TRIO: variants seen among roughly 807,000 people sequenced by gnomAD.
The protein encoded by TRIO is triple functional domain protein.
TRIO carries 58 observed loss-of-function variants against 351.9 expected under a neutral mutation model. That is an observed-to-expected ratio of 0.16 (90% confidence interval 0.13 to 0.21). The LOEUF is 0.21. Ranked by LOEUF, TRIO falls within the 10% of genes least tolerant of loss-of-function variation. TRIO has a pLI of 1.00. For synonymous variants in TRIO, 1,758 were observed against 1,595.7 expected (o/e 1.10, Z -2.42); for missense variants, 3,201 against 4,027.8 (o/e 0.79, Z 5.56).
chr5:14,170,884 GA>G (rs917451009), intron 1 of TRIO, among the ~76,000 whole-genome samples: 1 of 151,934 alleles, frequency 6.6e-6, no homozygotes, highest in Non-Finnish European at 1.5e-5. Context: ...TATTTACATT[GA>G]AAATACTAGA....
intron 40 of TRIO, 103 bp from the exon 41 acceptor site, chr5:14,476,791 C>CAAA: frequency 3.4e-5 from 28 of 834,232 alleles, no homozygotes; most frequent in South Asian, 9.7e-5. Flanking sequence ...GACACTCTCT[C>CAAA]AAAAAAAAAA....
chr5:14,175,257 G>T (rs1319976011), intron 1 of TRIO, among the ~76,000 whole-genome samples: 1 of 151,954 alleles, frequency 6.6e-6, no homozygotes, highest in Admixed American at 6.6e-5. Flanking sequence ...TTAAAGTTTT[G>T]GGATACATGT....
Position 14,496,915 on chromosome 5 carries a change from G to A in TRIO, c.7917G>A (p.Arg2639=). 6.2e-7 allele frequency: 1 copy of A among 1,614,118 alleles called. No homozygotes were observed. Among genetic ancestry groups the A allele is most frequent in the Non-Finnish European group, 8.5e-7 (1 of 1,180,032 alleles). ...STSWHTALRL[R]KKSEKKDKDG... is the part of the protein sequence containing the mutation. ...CTTGGCACACAGCACTCCGTTTAAGGAAAAAATCTGAGAAAAAAGATAAAG... is the reference window on the plus strand; with the variant it reads ...CTTGGCACACAGCACTCCGTTTAAGAAAAAAATCTGAGAAAAAAGATAAAG... Residue 2639 remains arginine (R), a synonymous_variant, in exon 50 of 57, where the codon AGG becomes AGA. Coordinates refer to ENST00000344204, the MANE Select transcript of TRIO (RefSeq NM_007118.4).
chr5:14,375,716 C>T (rs556097507), intron 19 of TRIO, among the ~76,000 whole-genome samples: 23 of 152,272 alleles, frequency 1.5e-4, no homozygotes, highest in Non-Finnish European at 2.8e-4. Context: ...TCCAAGAGGG[C>T]GCTTAGCACT....
At chr5:14,290,286 C>T (rs1736793478) in intron 4 of TRIO, among the ~76,000 whole-genome samples, 1 of 152,336 alleles carries the variant, frequency 6.6e-6, no homozygotes, top group South Asian at 2.1e-4. Context: ...AAAACCTCCA[C>T]AGAGTTTCTG....
At position 14,381,291 on chromosome 5, in the gene TRIO, C is replaced by T. The variant is rs200842829; in HGVS notation, c.3570+39C>T. The T allele has an allele frequency of 7.3e-4, 1,133 of 1,548,914 alleles. 10 individuals are homozygous for T. The highest frequency in any genetic ancestry group is 7.3e-3 in the South Asian group (585 of 80,366). ...GTACTTTGTATAGTGGCCTCTAAGT[C>T]GAAAGCGAGTCTTCAAAAATATCAT... On this transcript the variant is annotated intron_variant, in intron 21 of 56. Coordinates refer to ENST00000344204, the MANE Select transcript of TRIO (RefSeq NM_007118.4).
intron 13 of TRIO, among the ~76,000 whole-genome samples, chr5:14,360,425 C>G (rs902616939): frequency 3.3e-5 from 5 of 152,252 alleles, no homozygotes; most frequent in African/African-American, 1.2e-4. Context: ...CTCCTGGAGT[C>G]TAGCCGCTTC....
chr5:14,342,007 A>G (rs976755940), intron 11 of TRIO, among the ~76,000 whole-genome samples: 7 of 152,340 alleles, frequency 4.6e-5, no homozygotes, highest in Admixed American at 6.5e-5. Flanking sequence ...AGCCACCTGG[A>G]GATGTTTTGT....
At chr5:14,491,269 C>G (rs2126654008) in intron 48 of TRIO, among the ~76,000 whole-genome samples, 1 of 152,276 alleles carries the variant, frequency 6.6e-6, no homozygotes. Flanking sequence ...CTCAGTAGAC[C>G]AGGGCTGAGA....
Position 14,485,127 on chromosome 5 carries a change from C to T in TRIO, c.6716C>T (p.Thr2239Ile), listed in dbSNP as rs375075483. The T allele has an allele frequency of 6.3e-7, 1 of 1,588,150 alleles. No individual in the cohort carries two copies. The highest frequency in any genetic ancestry group is 8.6e-7 in the Non-Finnish European group (1 of 1,160,478). The change falls in exon 47 of 57, where the codon ACA becomes ATA. Residue 2239 changes from threonine to isoleucine, a missense_variant. Physicochemically the swap from Thr to Ile is moderately conservative, Grantham distance 89 (BLOSUM62 -1). Coordinates refer to ENST00000344204, the MANE Select transcript of TRIO (RefSeq NM_007118.4). ...VENDPCKFAL[T>I]SRTGDVVETF... ...AATGATCCCTGTAAATTTGCTCTGA[C>T]ATCGAGGACGGGTGACGTGGTAGAG...
intron 37 of TRIO, chr5:14,465,929 G>C: frequency 5.6e-6 from 2 of 357,544 alleles, no homozygotes; most frequent in East Asian, 1.1e-4. Context: ...CCTGGTTCAA[G>C]CTGCCAGCCA....
chr5:14,336,685 C>A lies in TRIO; in HGVS notation c.2004C>A (p.Ile668=). 4.3e-6 allele frequency: 7 copies of A among 1,614,206 alleles called. No homozygotes were observed. The highest frequency in any genetic ancestry group is 5.9e-6 in the Non-Finnish European group (7 of 1,180,038). The change falls in exon 11 of 57, where the codon ATC becomes ATA. Residue 668 remains isoleucine (I), a synonymous_variant. Coordinates refer to ENST00000344204, the MANE Select transcript of TRIO (RefSeq NM_007118.4). The part of the protein sequence containing the change: ...DFVRRVEQRK[I]LLDMSVSFHT... ...TTCGGCGTGTTGAGCAGCGAAAGAT[C>A]CTACTGGACATGTCAGTGTCCTTTC...
intron 11 of TRIO, among the ~76,000 whole-genome samples, chr5:14,352,087 C>T (rs956075399): frequency 6.6e-6 from 1 of 152,232 alleles, no homozygotes; most frequent in Non-Finnish European, 1.5e-5. Flanking sequence ...GTTTTCACCA[C>T]AGAACTCCAT....
intron 9 of TRIO, among the ~76,000 whole-genome samples, chr5:14,325,437 G>A (rs1740286232): frequency 6.6e-6 from 1 of 152,208 alleles, no homozygotes; most frequent in Non-Finnish European, 1.5e-5. Context: ...CACACGGCGA[G>A]AGAGAAGCAA....
intron 1 of TRIO, among the ~76,000 whole-genome samples, chr5:14,174,658 TAAG>T (rs1174444926): frequency 3.3e-5 from 5 of 152,202 alleles, no homozygotes; most frequent in Admixed American, 6.5e-5. Flanking sequence ...TGGCCCCAGT[TAAG>T]AAGATGTTCT....
intron 34 of TRIO, among the ~76,000 whole-genome samples, chr5:14,449,482 C>T (rs1466351249): frequency 6.6e-6 from 1 of 152,216 alleles, no homozygotes; most frequent in African/African-American, 2.4e-5. Flanking sequence ...AGCCCAACAA[C>T]CACCACTTGA....
At chr5:14,159,831 C>T (rs566747997) in intron 1 of TRIO, among the ~76,000 whole-genome samples, 4 of 152,298 alleles carry the variant, frequency 2.6e-5, no homozygotes, top group African/African-American at 9.6e-5. Flanking sequence ...TCCCAAAGTG[C>T]TGGGATTACA....
intron 4 of TRIO, 78 bp downstream of exon 4, chr5:14,287,141 T>A: frequency 7.0e-7 from 1 of 1,430,930 alleles, no homozygotes; most frequent in Non-Finnish European, 9.5e-7. Flanking sequence ...AATGAGAGAT[T>A]TTTTTTTTAA....
At chr5:14,176,253 C>T (rs1438109252) in intron 1 of TRIO, among the ~76,000 whole-genome samples, 1 of 152,100 alleles carries the variant, frequency 6.6e-6, no homozygotes, top group Non-Finnish European at 1.5e-5. Flanking sequence ...GGGCGGATCA[C>T]GAGGTCAGGA....
Sources: gnomAD v4.1 joint callset for allele counts (sites outside exome capture counted in the v4.1 genomes callset) on GRCh38, gnomAD v4.1.1 for gene constraint, MANE v1.5 for transcripts, NCBI Gene and HGNC (gene_info 2026-07-23, HGNC 2026-07-21) for gene names.